The following NRXN1 variants were observed in gnomAD, a reference collection of about 807,000 sequenced individuals.
NRXN1 encodes the protein neurexin 1.
NRXN1 carries 39 observed loss-of-function variants against 150.9 expected under a neutral mutation model. The observed-to-expected ratio is 0.26, with a 90% CI of 0.20 to 0.34. The LOEUF (loss-of-function observed/expected upper bound fraction) is 0.34. Among genes scored for constraint, NRXN1 ranks in the 10% least tolerant of loss-of-function variants. The probability of loss-of-function intolerance (pLI) is 1.00; values close to 1 mark genes in which losing one functional copy is unlikely to be tolerated. For synonymous variants in NRXN1, 924 were observed against 757.0 expected (o/e 1.22, Z -3.62); for missense variants, 1,815 against 1,949.9 (o/e 0.93, Z 1.30).
chr2:50,783,948 C>T (rs2105537362), intron 5 of NRXN1, among the ~76,000 whole-genome samples: 1 of 152,218 alleles, frequency 6.6e-6, no homozygotes, highest in East Asian at 1.9e-4. Context: ...GAATACCTTC[C>T]ACTTTTCTCA....
intron 21 of NRXN1, among the ~76,000 whole-genome samples, chr2:49,958,596 A>G (rs1033071697): frequency 6.6e-6 from 1 of 152,168 alleles, no homozygotes; most frequent in African/African-American, 2.4e-5. Flanking sequence ...CCTATTCAAC[A>G]TAAATATACC....
intron 21 of NRXN1, among the ~76,000 whole-genome samples, chr2:50,016,866 A>G (rs1357738982): frequency 6.6e-6 from 1 of 152,182 alleles, no homozygotes; most frequent in African/African-American, 2.4e-5. Context: ...AAGACATTCT[A>G]CAATGAAGTG....
chr2:50,510,927 T>G (rs1331780505), intron 12 of NRXN1, among the ~76,000 whole-genome samples: 1 of 152,086 alleles, frequency 6.6e-6, no homozygotes, highest in African/African-American at 2.4e-5. Flanking sequence ...AGGAGGGACA[T>G]GAGAAGTGTA....
intron 5 of NRXN1, among the ~76,000 whole-genome samples, chr2:50,863,346 C>T (rs62140627): frequency 0.077 from 11,779 of 152,084 alleles, 543 homozygotes; most frequent in South Asian, 0.11. Context: ...GGACTGCTTC[C>T]TGAGTGTAGC....
chr2:50,470,661 C>T (rs1399368720), intron 16 of NRXN1, among the ~76,000 whole-genome samples: 1 of 151,704 alleles, frequency 6.6e-6, no homozygotes, highest in East Asian at 1.9e-4. Flanking sequence ...ATAAAACATC[C>T]TCATCCTCAT....
chr2:50,171,847 C>G (rs2060051244), intron 18 of NRXN1, among the ~76,000 whole-genome samples: 1 of 152,172 alleles, frequency 6.6e-6, no homozygotes, highest in Non-Finnish European at 1.5e-5. Flanking sequence ...CCCTCCAGCT[C>G]TAGATTTATT....
chr2:50,885,140 C>T (rs977229499), intron 5 of NRXN1, among the ~76,000 whole-genome samples: 2 of 151,432 alleles, frequency 1.3e-5, no homozygotes, highest in African/African-American at 4.8e-5. Context: ...TGCAAGGTAA[C>T]ACAAAAGGGC....
At chr2:50,602,114 G>A (rs955772573) in intron 8 of NRXN1, among the ~76,000 whole-genome samples, 1 of 152,118 alleles carries the variant, frequency 6.6e-6, no homozygotes, top group African/African-American at 2.4e-5. Flanking sequence ...AAGGCCTTAT[G>A]CAAAAGGCTG....
intron 17 of NRXN1, among the ~76,000 whole-genome samples, chr2:50,256,465 A>T (rs2067710098): frequency 6.6e-6 from 1 of 152,152 alleles, no homozygotes; most frequent in Admixed American, 6.6e-5. Context: ...TTGTTTTCTA[A>T]AAATGAACTA....
intron 8 of NRXN1, among the ~76,000 whole-genome samples, chr2:50,578,274 G>A (rs949629420): frequency 1.3e-5 from 2 of 152,138 alleles, no homozygotes; most frequent in Admixed American, 6.5e-5. Flanking sequence ...CAAGAGCATA[G>A]TGTCTTGGAC....
intron 5 of NRXN1, among the ~76,000 whole-genome samples, chr2:50,678,735 G>A (rs752132916): frequency 2.6e-5 from 4 of 152,028 alleles, no homozygotes; most frequent in Admixed American, 6.6e-5. Context: ...CATTCTCCCA[G>A]CTCAGTGCCA....
At chr2:50,045,817 C>T (rs1268269570) in intron 21 of NRXN1, among the ~76,000 whole-genome samples, 4 of 152,102 alleles carry the variant, frequency 2.6e-5, no homozygotes. Flanking sequence ...AAATCACTGT[C>T]ATGTATCGAC....
intron 21 of NRXN1, among the ~76,000 whole-genome samples, chr2:49,963,511 T>G (rs1676374566): frequency 1.3e-5 from 2 of 152,226 alleles, no homozygotes; most frequent in African/African-American, 4.8e-5. Flanking sequence ...AAGTGACATC[T>G]ATGATACAGC....
At chr2:50,096,229 G>C (rs776942148) in intron 18 of NRXN1, among the ~76,000 whole-genome samples, 37 of 152,002 alleles carry the variant, frequency 2.4e-4, no homozygotes, top group Non-Finnish European at 5.0e-4. Context: ...ATAAATGATC[G>C]CCAAAGAGTT....
intron 5 of NRXN1, among the ~76,000 whole-genome samples, chr2:50,886,177 T>C (rs1279495819): frequency 6.6e-6 from 1 of 151,284 alleles, no homozygotes; most frequent in East Asian, 1.9e-4. Context: ...CAAAGGTGTT[T>C]ACCCAAACAC....
chr2:50,564,230 A>G (rs193177121), intron 8 of NRXN1, among the ~76,000 whole-genome samples: 1 of 152,352 alleles, frequency 6.6e-6, no homozygotes, highest in African/African-American at 2.4e-5. Context: ...ATTTAAGCAC[A>G]TAAGTACTTG....
chr2:50,491,969 C>G (rs750060289), intron 15 of NRXN1, among the ~76,000 whole-genome samples: 1 of 152,108 alleles, frequency 6.6e-6, no homozygotes, highest in African/African-American at 2.4e-5. Context: ...GGATTAAATA[C>G]AGTAACTTCA....
chr2:50,876,726 A>G (rs1678648097), intron 5 of NRXN1, among the ~76,000 whole-genome samples: 1 of 151,768 alleles, frequency 6.6e-6, no homozygotes, highest in Non-Finnish European at 1.5e-5. Context: ...AACAATCTCC[A>G]CATTTGCCTA....
At chr2:50,801,701 T>C (rs1707620664) in intron 5 of NRXN1, among the ~76,000 whole-genome samples, 1 of 152,154 alleles carries the variant, frequency 6.6e-6, no homozygotes, top group South Asian at 2.1e-4. Context: ...AATCTAGTTT[T>C]TGTATAATAT....
Sources: allele counts gnomAD v4.1 joint callset (sites outside exome capture counted in the v4.1 genomes callset), GRCh38; gene constraint gnomAD v4.1.1; transcripts MANE v1.5; gene names NCBI Gene and HGNC (gene_info 2026-07-23, HGNC 2026-07-21).